The following RYR1 variants were observed in gnomAD, a reference collection of about 807,000 sequenced individuals.
RYR1 encodes ryanodine receptor 1, also known as central core disease of muscle.
A neutral mutation model predicts 583.5 loss-of-function variants in RYR1; 342 were observed. That is an observed-to-expected ratio of 0.59 (90% CI 0.54 to 0.64). The LOEUF (loss-of-function observed/expected upper bound fraction) is 0.64, where lower values mean the gene tolerates loss of function less well. Among genes scored for constraint, RYR1 ranks in the 30% least tolerant of loss-of-function variants. RYR1 has a pLI of 0.00. For missense variants in RYR1, 6,032 were observed against 6,917.2 expected (o/e 0.87, Z 4.54); for synonymous variants, 2,791 against 2,822.5 (o/e 0.99, Z 0.35).
intron 96 of RYR1, 59 bp downstream of exon 96, chr19:38,573,366 G>C (rs1318745650): frequency 1.3e-6 from 2 of 1,591,480 alleles, no homozygotes; most frequent in Admixed American, 3.5e-5. Context: ...TTTCCACCCA[G>C]TCCAGGCCTG....
intron 87 of RYR1, among the ~76,000 whole-genome samples, chr19:38,545,306 A>G (rs1972377819): frequency 6.6e-6 from 1 of 152,194 alleles, no homozygotes; most frequent in Non-Finnish European, 1.5e-5. Flanking sequence ...AATCATGGGT[A>G]GGCACAAACC....
intron 65 of RYR1, among the ~76,000 whole-genome samples, chr19:38,517,021 G>T (rs972817154): frequency 3.3e-5 from 5 of 152,170 alleles, no homozygotes; most frequent in Admixed American, 3.3e-4. Flanking sequence ...GGGAGACAGG[G>T]TGGGGTTGGA....
intron 31 of RYR1, among the ~76,000 whole-genome samples, chr19:38,481,442 G>A (rs939958220): frequency 1.3e-5 from 2 of 152,112 alleles, no homozygotes; most frequent in African/African-American, 2.4e-5. Flanking sequence ...CACCACGCTC[G>A]ACCAGGGTCA....
Position 38,519,199 on chromosome 19 carries a change from A to G in RYR1, c.10019-15A>G. 6.2e-7 allele frequency: 1 copy of G among 1,614,100 alleles called. No homozygotes were observed. Among genetic ancestry groups the G allele is most frequent in the African/African-American group, 1.3e-5 (1 of 75,046 alleles). The stretch of plus-strand genomic sequence containing the variant: ...GAGGCCGGAGGTGGCATCAGAGCCC[A>G]TCGCACCCCTGCAGTGTTCGCACAG... On this transcript the variant is annotated splice_polypyrimidine_tract_variant and intron_variant, in intron 66 of 105. Transcript: ENST00000359596.
chr19:38,580,299 G>A (rs1974140636), intron 100 of RYR1, 71 bp from the exon 101 acceptor site: 2 of 1,538,980 alleles, frequency 1.3e-6, no homozygotes, highest in East Asian at 2.3e-5. Flanking sequence ...CCGGGGCCAG[G>A]ACCCAGCATG....
In RYR1 at chr19:38,460,571, T is replaced by A. The variant is rs769863752; in HGVS notation, c.2557T>A (p.Cys853Ser). 1.2e-6 allele frequency: 2 copies of A among 1,612,808 alleles called. No homozygotes were observed. Among genetic ancestry groups the A allele is most frequent in the East Asian group, 4.5e-5 (2 of 44,886 alleles). ...RCLSHTDFVP[C>S]PVDTVQIVLP... ...CCTCTCACACACCGACTTCGTGCCC[T>A]GCCCTGTGGACACTGTCCAGGTACT... Residue 853 changes from cysteine (C) to serine (S), a missense_variant, in exon 20 of 106, where the codon TGC (cysteine) becomes AGC (serine). Physicochemically the swap from Cys to Ser is moderately radical, Grantham distance 112 (BLOSUM62 -1). This residue lies in a region of RYR1 where 2,627 missense variants were observed against 2,961.3 expected (regional missense o/e 0.89). Transcript: ENST00000359596.
intron 99 of RYR1, 116 bp from the exon 100 acceptor site, chr19:38,579,862 CCAAA>C: frequency 1.5e-6 from 2 of 1,328,286 alleles, no homozygotes; most frequent in Non-Finnish European, 2.2e-6. Flanking sequence ...CATGTACTCC[CCAAA>C]CAGAGCTGGC....
chr19:38,524,116 C>T (rs1379488116), intron 70 of RYR1, among the ~76,000 whole-genome samples, 187 bp downstream of exon 70: 1 of 142,766 alleles, frequency 7.0e-6, no homozygotes, highest in African/African-American at 2.6e-5. Flanking sequence ...CCCATCCCAA[C>T]CCTCAGCTTT....
At chr19:38,536,819 A>G (rs768251307) in intron 83 of RYR1, 52 bp downstream of exon 83, 3 of 1,583,772 alleles carry the variant, frequency 1.9e-6, no homozygotes, top group Non-Finnish European at 2.6e-6. Flanking sequence ...CACCCCTCCT[A>G]ACCCCGTCCA....
At chr19:38,548,478 A>T (rs751994913) in intron 89 of RYR1, 58 bp downstream of exon 89, 7 of 1,555,460 alleles carry the variant, frequency 4.5e-6, no homozygotes, top group Non-Finnish European at 6.2e-6. Context: ...AGGGCCAGCC[A>T]TACCCTTCTG....
intron 38 of RYR1, 26 bp downstream of exon 38, chr19:38,492,662 G>T: frequency 6.4e-7 from 1 of 1,571,328 alleles, no homozygotes; most frequent in Non-Finnish European, 8.7e-7. Flanking sequence ...ACTGGGGAGA[G>T]GGCAGGGGTG....
chr19:38,518,142 G>A (rs1971057880), intron 66 of RYR1, among the ~76,000 whole-genome samples: 2 of 151,628 alleles, frequency 1.3e-5, no homozygotes, highest in African/African-American at 4.8e-5. Flanking sequence ...AAAACAAAAG[G>A]AAAGAAAGAA....
At position 38,512,316 on chromosome 19, in the gene RYR1, A is replaced by G. The variant is rs1970766556; in HGVS notation, c.9305A>G (p.Asp3102Gly). The G allele has an allele frequency of 2.5e-6, 4 of 1,614,066 alleles. No homozygotes were observed. Among genetic ancestry groups the G allele is most frequent in the Admixed American group, 1.7e-5 (1 of 60,006 alleles). The change falls in exon 63 of 106, where the codon GAC becomes GGC. Residue 3102 changes from aspartate (D) to glycine (G), a missense_variant. Around this residue, in one of 11 missense-constraint regions of RYR1, gnomAD observed 1,493 missense variants for 1,715.5 expected, o/e 0.87. Coordinates refer to ENST00000359596, the MANE Select transcript of RYR1 (RefSeq NM_000540.3). This position sits in a 1 kb window ranked among gnomAD's most constrained non-coding sequence, Gnocchi z 5.1. ...LRSFFESASEDIEKMVENLRL... is the reference protein window; with the variant it reads ...LRSFFESASEGIEKMVENLRL... ...TCCTTCTTCGAGAGTGCCTCGGAGG[A>G]CATCGAGAAGATGGTGGAGAACCTG...
Position 38,512,388 on chromosome 19 carries a change from G to C in RYR1, c.9377G>C (p.Gly3126Ala), listed in dbSNP as rs1194352757. The part of the protein sequence containing the change: ...SQARTQVKGV[G>A]QNLTYTTVAL... The stretch of plus-strand genomic sequence containing the variant: ...GCGCGCACCCAGGTGAAAGGCGTGG[G>C]CCAGAACCTCACCTACACCACTGTG... The change falls in exon 63 of 106, where the codon GGC becomes GCC. Residue 3126 changes from glycine to alanine, a missense_variant. By Grantham distance (60) the Gly-to-Ala change is moderately conservative (BLOSUM62 0). Transcript: ENST00000359596. This position sits in a 1 kb window ranked among gnomAD's most constrained non-coding sequence, Gnocchi z 5.1. The C allele has an allele frequency of 6.2e-7, 1 of 1,613,968 alleles. No homozygotes were observed. Among genetic ancestry groups the C allele is most frequent in the African/African-American group, 1.3e-5 (1 of 75,048 alleles).
At chr19:38,446,185 C>G (rs554470951) in intron 7 of RYR1, among the ~76,000 whole-genome samples, 1 of 152,126 alleles carries the variant, frequency 6.6e-6, no homozygotes, top group East Asian at 1.9e-4. Context: ...CTCAAAAGTC[C>G]AAACTCAGAA....
rs1599626824 is a variant in RYR1, at chr19:38,561,542, G to A, written c.12624+88G>A. ...TCCTGCACCCTCAGACCCCACGGGGGCTGTGCGTGCCTCGCATATCTGCCC... is the reference window on the plus strand; with the variant it reads ...TCCTGCACCCTCAGACCCCACGGGGACTGTGCGTGCCTCGCATATCTGCCC... On this transcript the variant is annotated intron_variant, in intron 90 of 105. Coordinates refer to ENST00000359596, the MANE Select transcript of RYR1 (RefSeq NM_000540.3). The surrounding 1 kb of genome is among the most constrained non-coding windows in gnomAD (Gnocchi z 4.8). 3.1e-6 allele frequency: 4 copies of A among 1,280,762 alleles called. No individual in the cohort carries two copies. Among genetic ancestry groups the A allele is most frequent in the Non-Finnish European group, 2.2e-6 (2 of 923,408 alleles). 79.3% of individuals were successfully genotyped at this position (1,280,762 alleles called of 1,614,324 possible). A position where few individuals can be genotyped will look rare whatever the true frequency, so the allele number is the denominator to read the frequency against.
chr19:38,496,350 T>C lies in RYR1; in HGVS notation c.6663+21T>C. On this transcript the variant is annotated intron_variant, in intron 40 of 105. Coordinates refer to ENST00000359596, the MANE Select transcript of RYR1 (RefSeq NM_000540.3). This position sits in a 1 kb window ranked among gnomAD's most constrained non-coding sequence, Gnocchi z 4.8. ...CCAAGGTGAGGGCCCAGGCAGGTGC[T>C]GGGGAGCTCAGGGGAGGCAGCCACA... The C allele has an allele frequency of 6.2e-7, 1 of 1,613,804 alleles. No individual in the cohort carries two copies. Among genetic ancestry groups the C allele is most frequent in the Non-Finnish European group, 8.5e-7 (1 of 1,180,016 alleles).
rs755809627 is a variant in RYR1, at chr19:38,494,496, G to A, written c.6419G>A (p.Arg2140Gln). The change falls in exon 39 of 106, where the codon CGG (arginine) becomes CAG (glutamine). Residue 2140 changes from arginine (R) to glutamine (Q), a missense_variant. Arg to Gln is a conservative substitution (Grantham distance 43, BLOSUM62 1). Coordinates refer to ENST00000359596, the MANE Select transcript of RYR1 (RefSeq NM_000540.3). ...GGTGAGCTGCTGCGTGCCCTGCCGCGGGCGTACACCATCTCACCGTCCTCC... is the reference window on the plus strand; with the variant it reads ...GGTGAGCTGCTGCGTGCCCTGCCGCAGGCGTACACCATCTCACCGTCCTCC... Reference protein sequence around the residue: ...GLGELLRALPRAYTISPSSVE... With the variant: ...GLGELLRALPQAYTISPSSVE... 1.9e-5 allele frequency: 30 copies of A among 1,613,296 alleles called. No individual in the cohort carries two copies. The highest frequency in any genetic ancestry group is 8.8e-5 in the South Asian group (8 of 91,058).
At chr19:38,586,032 G>T in intron 103 of RYR1, 30 bp downstream of exon 103, 3 of 1,614,008 alleles carry the variant, frequency 1.9e-6, no homozygotes, top group Non-Finnish European at 8.5e-7. Flanking sequence ...GACCCAGAGG[G>T]ATTACGGGAT....
Sources: allele counts gnomAD v4.1 joint callset (sites outside exome capture counted in the v4.1 genomes callset), GRCh38; gene constraint gnomAD v4.1.1; regional missense constraint gnomAD v4.1.1; non-coding constraint Gnocchi (gnomAD v3.1); transcripts MANE v1.5; gene names NCBI Gene and HGNC (gene_info 2026-07-23, HGNC 2026-07-21).